ARFIP1: variants seen among roughly 807,000 people sequenced by gnomAD.
The protein encoded by ARFIP1 is arfaptin-1.
A neutral mutation model predicts 42.5 loss-of-function variants in ARFIP1; 24 were observed. The ratio of observed to expected loss-of-function variants is 0.57; its 90% CI spans 0.41 to 0.80. The LOEUF (loss-of-function observed/expected upper bound fraction) is 0.80, where lower values mean the gene tolerates loss of function less well. Ranked by LOEUF, ARFIP1 falls within the 30% of genes least tolerant of loss-of-function variation. The probability of loss-of-function intolerance (pLI) is 0.00; values close to 1 mark genes in which losing one functional copy is unlikely to be tolerated. For missense variants in ARFIP1, 354 were observed against 434.0 expected (o/e 0.82, Z 1.64); for synonymous variants, 141 against 153.7 (o/e 0.92, Z 0.61).
chr4:152,868,932 C>G (rs1021224097), intron 3 of ARFIP1, among the ~76,000 whole-genome samples: 1 of 152,172 alleles, frequency 6.6e-6, no homozygotes, highest in Non-Finnish European at 1.5e-5. Context: ...ATTTTAACTT[C>G]TCTGGGCTTC....
chr4:152,781,157 C>T (rs186169224), intron 1 of ARFIP1, among the ~76,000 whole-genome samples: 5 of 151,890 alleles, frequency 3.3e-5, no homozygotes, highest in Admixed American at 3.3e-4. Context: ...ACTTAATTGG[C>T]ATAGAAATGT....
intron 2 of ARFIP1, among the ~76,000 whole-genome samples, chr4:152,831,880 T>G (rs2149847774): frequency 6.6e-6 from 1 of 152,160 alleles, no homozygotes; most frequent in East Asian, 1.9e-4. Flanking sequence ...ATCATCTAGG[T>G]TTTAAGCCCT....
chr4:152,879,626 G>C (rs1330191777), intron 5 of ARFIP1, among the ~76,000 whole-genome samples: 1 of 152,160 alleles, frequency 6.6e-6, no homozygotes, highest in East Asian at 1.9e-4. Context: ...AAGACGGGCA[G>C]ATCACTTGAG....
At position 152,879,037 on chromosome 4, in the gene ARFIP1, A is replaced by AT. The variant is rs5863022; in HGVS notation, c.412-1926_412-1925insT. Among the ~76,000 whole-genome samples the AT allele has an allele frequency of 7.2e-5, 11 of 151,882 alleles. No homozygotes were observed. In the East Asian group the frequency reaches 2.1e-3, roughly 29 times the overall value. Reference sequence around the variant, plus strand: ...TTGTTAAAATCACATCTTCAGTTCAAGTTTCTCTTGTGATTTTCATTTTCT... The same window carrying AT: ...TTGTTAAAATCACATCTTCAGTTCAATGTTTCTCTTGTGATTTTCATTTTCT... On this transcript the variant is annotated intron_variant, in intron 5 of 8. Transcript: ENST00000353617.
Position 152,894,522 on chromosome 4 carries a change from C to T in ARFIP1, c.966+6215C>T, listed in dbSNP as rs973033287. 3.3e-5 allele frequency among the ~76,000 whole-genome samples: 5 copies of T among 152,218 alleles called. No individual in the cohort carries two copies. The East Asian group carries it at 7.7e-4, about 23-fold the overall frequency. On this transcript the variant is annotated intron_variant, in intron 8 of 8. Coordinates refer to ENST00000353617, the MANE Select transcript of ARFIP1 (RefSeq NM_001025595.3). ...TATTCATGCCAGTGACTTAATGTCA[C>T]CTTTACTTCTAAAGCAAAAACAGTA...
chr4:152,831,524 G>A (rs115971082), intron 2 of ARFIP1, among the ~76,000 whole-genome samples: 29 of 152,196 alleles, frequency 1.9e-4, no homozygotes, highest in African/African-American at 2.6e-4. Context: ...GAGAACTACC[G>A]CTCAGATAAA....
chr4:152,882,739 A>G lies in ARFIP1; in HGVS notation c.650A>G (p.Asn217Ser), dbSNP rs767446748. The G allele has an allele frequency of 6.2e-7, 1 of 1,613,324 alleles. No homozygotes were observed. The highest frequency in any genetic ancestry group is 1.1e-5 in the South Asian group (1 of 90,970). Residue 217 changes from asparagine (N) to serine (S), a missense_variant, in exon 7 of 9, where the codon AAT becomes AGT. Transcript: ENST00000353617. ...TTGTTTTAGGAAGAATTTGGCTATA[A>G]TGCCGATACCCAGAAACTGCTGGCT... ...SLELHEEFGY[N>S]ADTQKLLAKN...
intron 5 of ARFIP1, among the ~76,000 whole-genome samples, chr4:152,879,287 G>A (rs957951073): frequency 6.6e-6 from 1 of 151,916 alleles, no homozygotes; most frequent in African/African-American, 2.4e-5. Context: ...ACAAGAAAAA[G>A]TCTCAGATTA....
chr4:152,796,326 G>A, intron 1 of ARFIP1: 1 of 778,952 alleles, frequency 1.3e-6, no homozygotes, highest in Non-Finnish European at 2.2e-6. Flanking sequence ...AAGCCCATTG[G>A]CCTGATGAAT....
chr4:152,822,296 T>TAAAAAAAAAAAAAAAA (rs70949618), intron 1 of ARFIP1, among the ~76,000 whole-genome samples: 3 of 65,576 alleles, frequency 4.6e-5, no homozygotes, highest in Admixed American at 1.7e-4. Flanking sequence ...GCAACAGCAG[T>TAAAAAAAAAAAAAAAA]AAAAAAAAAA....
At chr4:152,892,845 C>CT (rs1736980509) in intron 8 of ARFIP1, among the ~76,000 whole-genome samples, 1 of 152,202 alleles carries the variant, frequency 6.6e-6, no homozygotes, top group African/African-American at 2.4e-5. Flanking sequence ...ATATTCTCTT[C>CT]TTTGTTTACT....
intron 1 of ARFIP1, among the ~76,000 whole-genome samples, chr4:152,812,981 G>A (rs1362717673): frequency 6.6e-6 from 1 of 152,208 alleles, no homozygotes; most frequent in South Asian, 2.1e-4. Flanking sequence ...CTTTCAAATA[G>A]CTTTTCTGTC....
chr4:152,875,508 C>G (rs988563771), intron 5 of ARFIP1, among the ~76,000 whole-genome samples: 7 of 150,512 alleles, frequency 4.7e-5, no homozygotes. Context: ...ATCAAGTTAA[C>G]CTTTGATGTC....
intron 8 of ARFIP1, among the ~76,000 whole-genome samples, chr4:152,898,378 G>T (rs1737537041): frequency 6.6e-6 from 1 of 152,000 alleles, no homozygotes. Context: ...TCTATACTTT[G>T]CTGTGTTAGA....
chr4:152,801,116 A>T (rs552678382), intron 1 of ARFIP1, among the ~76,000 whole-genome samples: 22 of 152,130 alleles, frequency 1.4e-4, no homozygotes, highest in African/African-American at 4.8e-4. Context: ...CACATCGGGG[A>T]GGGAGACAGA....
At chr4:152,891,137 G>A (rs1301354720) in intron 8 of ARFIP1, among the ~76,000 whole-genome samples, 1 of 152,164 alleles carries the variant, frequency 6.6e-6, no homozygotes, top group Non-Finnish European at 1.5e-5. Flanking sequence ...TATGAGGACT[G>A]TACCTCCCAA....
chr4:152,790,529 AGTCT>A (rs1561097778), intron 1 of ARFIP1, among the ~76,000 whole-genome samples: 2 of 152,200 alleles, frequency 1.3e-5, no homozygotes. Context: ...TCTGTAACAC[AGTCT>A]GAGTGGGGAA....
At chr4:152,888,405 A>C (rs1736448659) in intron 8 of ARFIP1, 98 bp downstream of exon 8, 1 of 798,884 alleles carries the variant, frequency 1.3e-6, no homozygotes, top group Non-Finnish European at 1.9e-6. Context: ...CTTGTATGAC[A>C]ATTGCAAGAA....
intron 2 of ARFIP1, among the ~76,000 whole-genome samples, chr4:152,855,820 T>G (rs1242871715): frequency 2.0e-5 from 3 of 152,202 alleles, no homozygotes; most frequent in Non-Finnish European, 4.4e-5. Flanking sequence ...TGTAGACTTC[T>G]TAGGGTCTGT....
Sources: allele counts gnomAD v4.1 joint callset (sites outside exome capture counted in the v4.1 genomes callset), GRCh38; gene constraint gnomAD v4.1.1; transcripts MANE v1.5; gene names NCBI Gene and HGNC (gene_info 2026-07-23, HGNC 2026-07-21).